Variants in TMEM184B observed in about 807,000 individuals in gnomAD.
TMEM184B encodes transmembrane protein 184B.
TMEM184B carries 17 observed loss-of-function variants against 41.8 expected under a neutral mutation model. That is an observed-to-expected ratio of 0.41 (90% CI 0.28 to 0.61). The LOEUF is 0.61. Ranked by LOEUF, TMEM184B falls within the 20% of genes least tolerant of loss-of-function variation. The probability of loss-of-function intolerance (pLI) is 0.34; values close to 1 mark genes in which losing one functional copy is unlikely to be tolerated. For synonymous variants in TMEM184B, 240 were observed against 229.5 expected (o/e 1.05, Z -0.41); for missense variants, 393 against 557.8 (o/e 0.70, Z 2.98).
intron 1 of TMEM184B, among the ~76,000 whole-genome samples, chr22:38,271,482 A>G (rs1238950814): frequency 6.6e-6 from 1 of 152,200 alleles, no homozygotes; most frequent in Non-Finnish European, 1.5e-5. Context: ...ACAGGAAAAT[A>G]TATGTGGAAA....
At chr22:38,265,339 C>A (rs755923333) in intron 1 of TMEM184B, among the ~76,000 whole-genome samples, 2 of 152,194 alleles carry the variant, frequency 1.3e-5, no homozygotes, top group Non-Finnish European at 1.5e-5. Flanking sequence ...CTCCTGGAAC[C>A]CCCATGGTTT....
chr22:38,260,107 A>G (rs865933831), intron 1 of TMEM184B, among the ~76,000 whole-genome samples: 20 of 152,126 alleles, frequency 1.3e-4, no homozygotes, highest in African/African-American at 4.1e-4. Flanking sequence ...ACAGGCTTTC[A>G]CCATATTGGT....
Position 38,225,068 on chromosome 22 carries a change from G to T in TMEM184B, c.788-89C>A. 2 of 1,383,372 alleles carry T rather than the reference G, an allele frequency of 1.4e-6. No individual in the cohort carries two copies. The highest frequency in any genetic ancestry group is 9.6e-7 in the Non-Finnish European group (1 of 1,037,240). 85.7% of individuals were successfully genotyped at this position (1,383,372 alleles called of 1,614,324 possible). On this transcript the variant is annotated intron_variant, in intron 7 of 8. Transcript: ENST00000361906. This position sits in a 1 kb window ranked among gnomAD's most constrained non-coding sequence, Gnocchi z 4.4. ...CAATGCCCCATTCAGCTGCCCACATGCCCCAGTGAGGATGTGAGCAGGGCC... is the reference window on the plus strand; with the variant it reads ...CAATGCCCCATTCAGCTGCCCACATTCCCCAGTGAGGATGTGAGCAGGGCC...
chr22:38,218,115 C>A (rs1050013864), downstream of TMEM184B, among the ~76,000 whole-genome samples: 1 of 152,198 alleles, frequency 6.6e-6, no homozygotes, highest in South Asian at 2.1e-4. Context: ...CAAGTGGAAA[C>A]TATCTTCCCC....
At position 38,230,699 on chromosome 22, in the gene TMEM184B, A is replaced by G. The variant is rs892292541; in HGVS notation, c.495T>C (p.Tyr165=). ...YGTCCLWGKT[Y]SIGFLRFCKQ... is the part of the protein sequence containing the mutation. ...TGCAGAACCTCAGAAATCCGATGGA[A>G]TAAGTCTTTCCCCAGAGGCAGCAGG... is the stretch of plus-strand genomic sequence containing the variant. The change falls in exon 5 of 9, where the codon TAT becomes TAC. Residue 165 remains tyrosine, a synonymous_variant. Transcript: ENST00000361906. The G allele has an allele frequency of 3.7e-6, 6 of 1,612,468 alleles. No homozygotes were observed. The highest frequency in any genetic ancestry group is 1.1e-5 in the South Asian group (1 of 90,586).
rs142546630 is a variant in TMEM184B at position 38,250,841 on chromosome 22, C to A, written c.-58-2822G>T. ...AAGGCTACAGGCCAGCTTCCTCCTG[C>A]GGCTCTGCCCACTCACGTGCCCATG... is the stretch of plus-strand genomic sequence containing the variant. On this transcript the variant is annotated intron_variant, in intron 1 of 8. Transcript: ENST00000361906. Among the ~76,000 whole-genome samples, 333 of 152,290 alleles carry A rather than the reference C, an allele frequency of 2.2e-3. 1 individual carries two copies. The highest frequency in any genetic ancestry group is 4.1e-3 in the South Asian group (20 of 4,824).
rs1376689851 is a variant in TMEM184B, at chr22:38,239,511, G to C, written c.358+6424C>G. On this transcript the variant is annotated intron_variant, in intron 3 of 8. Transcript: ENST00000361906. This position sits in a 1 kb window ranked among gnomAD's most constrained non-coding sequence, Gnocchi z 4.6. The stretch of plus-strand genomic sequence containing the variant: ...CCGAGTGGCGGATGGTTGGGGGTGG[G>C]GGTGGGAGTCAGAGCCCTAGGAAAA... 2 of 152,160 alleles carry C rather than the reference G, an allele frequency of 1.3e-5. No homozygotes were observed. The highest frequency in any genetic ancestry group is 2.1e-4 in the South Asian group (1 of 4,820). 9.4% of individuals were successfully genotyped at this position (152,160 alleles called of 1,614,324 possible). A position where few individuals can be genotyped will look rare whatever the true frequency, so the allele number is the denominator to read the frequency against.
In TMEM184B at chr22:38,245,294, G is replaced by A. The variant is rs2145682716; in HGVS notation, c.358+641C>T. ...CGCCAGCATTGAGAAGCGAGACCCA[G>A]GGGGAGGGCCCTTGCTTCCAGGTAC... On this transcript the variant is annotated intron_variant, in intron 3 of 8. Coordinates refer to ENST00000361906, the MANE Select transcript of TMEM184B (RefSeq NM_012264.5). Among the ~76,000 whole-genome samples the A allele has an allele frequency of 2.6e-5, 4 of 152,146 alleles. No individual in the cohort carries two copies. In the South Asian group the frequency reaches 8.3e-4, roughly 32 times the overall value.
chr22:38,233,923 C>T (rs2091702809), intron 3 of TMEM184B, among the ~76,000 whole-genome samples: 1 of 152,272 alleles, frequency 6.6e-6, no homozygotes, highest in East Asian at 1.9e-4. Context: ...GCGCACACCA[C>T]CACACCCAGC....
chr22:38,266,472 T>C (rs2092445097), intron 1 of TMEM184B, among the ~76,000 whole-genome samples: 1 of 152,160 alleles, frequency 6.6e-6, no homozygotes, highest in African/African-American at 2.4e-5. Context: ...CCTGACTCAA[T>C]CCAGTGCCCT....
chr22:38,230,436 G>A (rs887060355), intron 5 of TMEM184B, among the ~76,000 whole-genome samples: 6 of 152,214 alleles, frequency 3.9e-5, no homozygotes, highest in African/African-American at 1.4e-4. Flanking sequence ...AAGAGTCTGG[G>A]ATCAGCTCTT....
chr22:38,234,573 G>GGC (rs2145619303), intron 3 of TMEM184B, among the ~76,000 whole-genome samples: 1 of 152,340 alleles, frequency 6.6e-6, no homozygotes, highest in East Asian at 1.9e-4. Context: ...GCCATGGTAA[G>GGC]TGGAATACAG....
chr22:38,234,950 G>A (rs2267378), intron 3 of TMEM184B, among the ~76,000 whole-genome samples: 84,643 of 152,012 alleles, frequency 0.56, 24,933 homozygotes, highest in African/African-American at 0.76. Flanking sequence ...GGCTGTGAAC[G>A]TGCAGAGCCT....
In TMEM184B at chr22:38,225,548, G is replaced by A. The variant is rs778268997; in HGVS notation, c.663C>T (p.Ser221=). 3.1e-5 allele frequency: 50 copies of A among 1,605,508 alleles called. No individual in the cohort carries two copies. The South Asian group carries it at 3.9e-4, about 12-fold the overall frequency. ...AGAGGGCGTAGAGGGCCAGGCTGAC[G>A]GAGATGTTGTAGATGATGGTCACGT... The part of the protein sequence containing the change: ...YLYVTIIYNI[S]VSLALYALFL... The change falls in exon 7 of 9, where the codon TCC becomes TCT. Residue 221 remains serine (S), a synonymous_variant. Coordinates refer to ENST00000361906, the MANE Select transcript of TMEM184B (RefSeq NM_012264.5). This position sits in a 1 kb window ranked among gnomAD's most constrained non-coding sequence, Gnocchi z 4.4.
At chr22:38,272,800 C>T (rs1015454008) in intron 1 of TMEM184B, 84 bp downstream of exon 1, 1 of 620,208 alleles carries the variant, frequency 1.6e-6, no homozygotes, top group Non-Finnish European at 2.0e-6. Flanking sequence ...CTCGCGCGGG[C>T]CTCTCCGAAA....
Position 38,219,802 on chromosome 22 carries a change from T to C in TMEM184B, c.*1667A>G. On this transcript the variant is annotated 3_prime_UTR_variant, in exon 9 of 9. Coordinates refer to ENST00000361906, the MANE Select transcript of TMEM184B (RefSeq NM_012264.5). The stretch of plus-strand genomic sequence containing the variant: ...GCAGGGCCAGGGCTGGTCCTCAGCC[T>C]GTGTCTGCACCCACCCTCCCGGGCA... 1.0e-6 allele frequency: 1 copy of C among 985,502 alleles called. No homozygotes were observed. The highest frequency in any genetic ancestry group is 1.2e-6 in the Non-Finnish European group (1 of 829,974). The allele number at this position is 985,502 out of a possible 1,614,324, so 61.0% of individuals were successfully genotyped here.
rs541252922 is a variant in TMEM184B at position 38,221,052 on chromosome 22, T to C, written c.*417A>G. ...GGAAGAGCCCAGGTCAGACAGGGTATTGCACGGTGTGTGGGGGAGCCACGG... is the reference window on the plus strand; with the variant it reads ...GGAAGAGCCCAGGTCAGACAGGGTACTGCACGGTGTGTGGGGGAGCCACGG... On this transcript the variant is annotated 3_prime_UTR_variant, in exon 9 of 9. Transcript: ENST00000361906. 2 of 1,037,216 alleles carry C rather than the reference T, an allele frequency of 1.9e-6. No homozygotes were observed. The highest frequency in any genetic ancestry group is 2.3e-6 in the Non-Finnish European group (2 of 862,556). 64.3% of individuals were successfully genotyped at this position (1,037,216 alleles called of 1,614,324 possible).
At chr22:38,257,508 A>G (rs1288838254) in intron 1 of TMEM184B, among the ~76,000 whole-genome samples, 1 of 152,152 alleles carries the variant, frequency 6.6e-6, no homozygotes, top group African/African-American at 2.4e-5. Context: ...CCCAGTCTCT[A>G]AACAAGCCGA....
intron 3 of TMEM184B, 52 bp downstream of exon 3, chr22:38,245,883 T>TACCCC: frequency 3.1e-6 from 4 of 1,288,708 alleles, no homozygotes; most frequent in Non-Finnish European, 4.3e-6. Flanking sequence ...GGACAGGGGC[T>TACCCC]CCCAGCCCCC....
Sources: allele counts gnomAD v4.1 joint callset (sites outside exome capture counted in the v4.1 genomes callset), GRCh38; gene constraint gnomAD v4.1.1; non-coding constraint Gnocchi (gnomAD v3.1); transcripts MANE v1.5; gene names NCBI Gene and HGNC (gene_info 2026-07-23, HGNC 2026-07-21).